Variants in NRXN1 observed in about 807,000 individuals in gnomAD.
NRXN1 encodes neurexin-1.
A neutral mutation model predicts 150.9 loss-of-function variants in NRXN1; 39 were observed. The observed-to-expected ratio is 0.26, with a 90% CI of 0.20 to 0.34. The LOEUF (loss-of-function observed/expected upper bound fraction) is 0.34, where lower values mean the gene tolerates loss of function less well. Ranked by LOEUF, NRXN1 falls within the 10% of genes least tolerant of loss-of-function variation. The pLI is 1.00. For synonymous variants in NRXN1, 924 were observed against 757.0 expected (o/e 1.22, Z -3.62); for missense variants, 1,815 against 1,949.9 (o/e 0.93, Z 1.30).
intron 17 of NRXN1, among the ~76,000 whole-genome samples, chr2:50,459,927 C>T (rs927338959): frequency 6.6e-6 from 1 of 152,040 alleles, no homozygotes; most frequent in East Asian, 1.9e-4. Context: ...GATTCTGCAC[C>T]TGTTGTGTTG....
chr2:50,012,133 G>A (rs1261458743), intron 21 of NRXN1, among the ~76,000 whole-genome samples: 1 of 152,024 alleles, frequency 6.6e-6, no homozygotes, highest in Non-Finnish European at 1.5e-5. Context: ...AATGGTTCAT[G>A]GACAACCTAG....
chr2:50,034,812 T>G (rs903462145), intron 21 of NRXN1, among the ~76,000 whole-genome samples: 1 of 152,128 alleles, frequency 6.6e-6, no homozygotes, highest in Non-Finnish European at 1.5e-5. Context: ...TTTCTAAAAA[T>G]GTATTTTCTA....
intron 10 of NRXN1, among the ~76,000 whole-genome samples, chr2:50,532,382 T>G: frequency 6.6e-6 from 1 of 150,612 alleles, no homozygotes. Flanking sequence ...ATAGCTTAAC[T>G]ATAGGAACTA....
chr2:50,677,893 C>A (rs1378156082), intron 5 of NRXN1, among the ~76,000 whole-genome samples: 1 of 152,016 alleles, frequency 6.6e-6, no homozygotes, highest in Admixed American at 6.6e-5. Flanking sequence ...AAATCACCAC[C>A]TACTTTTAAA....
intron 5 of NRXN1, among the ~76,000 whole-genome samples, chr2:50,912,465 G>A (rs1159705942): frequency 6.6e-6 from 1 of 151,958 alleles, no homozygotes; most frequent in African/African-American, 2.4e-5. Context: ...AATAAATCAA[G>A]ATGATAGTAT....
At chr2:50,872,763 G>T (rs1473596531) in intron 5 of NRXN1, among the ~76,000 whole-genome samples, 1 of 151,326 alleles carries the variant, frequency 6.6e-6, no homozygotes, top group Non-Finnish European at 1.5e-5. Flanking sequence ...GAGCACTCTG[G>T]GCAACAAAAC....
chr2:50,471,688 C>T (rs2089480627), intron 16 of NRXN1, among the ~76,000 whole-genome samples: 1 of 151,720 alleles, frequency 6.6e-6, no homozygotes, highest in South Asian at 2.1e-4. Context: ...GAAGAGAACA[C>T]ATGAACACAT....
At chr2:49,942,523 CA>C (rs1672162927) in intron 22 of NRXN1, among the ~76,000 whole-genome samples, 1 of 152,046 alleles carries the variant, frequency 6.6e-6, no homozygotes, top group Non-Finnish European at 1.5e-5. Context: ...TAGGTGATGT[CA>C]ATAGACACCA....
intron 17 of NRXN1, among the ~76,000 whole-genome samples, chr2:50,285,285 T>C (rs1354772447): frequency 6.6e-6 from 1 of 152,212 alleles, no homozygotes; most frequent in African/African-American, 2.4e-5. Flanking sequence ...TATTTATTCA[T>C]TCATTCATTT....
intron 8 of NRXN1, among the ~76,000 whole-genome samples, chr2:50,561,166 GACA>G (rs1345006285): frequency 1.3e-5 from 2 of 152,192 alleles, no homozygotes; most frequent in Non-Finnish European, 2.9e-5. Context: ...AAGTTACTGA[GACA>G]ACATTAGGTG....
intron 2 of NRXN1, among the ~76,000 whole-genome samples, chr2:51,010,711 C>G (rs1161268073): frequency 6.6e-6 from 1 of 151,966 alleles, no homozygotes; most frequent in East Asian, 1.9e-4. Flanking sequence ...ATAATACACA[C>G]TCCATCCAAA....
chr2:50,168,250 T>G (rs2059807229), intron 18 of NRXN1, among the ~76,000 whole-genome samples: 1 of 152,320 alleles, frequency 6.6e-6, no homozygotes, highest in South Asian at 2.1e-4. Flanking sequence ...GGAAAATTAA[T>G]AGTTTTAACC....
chr2:50,090,913 G>T (rs908273788), intron 19 of NRXN1, among the ~76,000 whole-genome samples: 1 of 151,690 alleles, frequency 6.6e-6, no homozygotes, highest in African/African-American at 2.4e-5. Flanking sequence ...CTGAGGAAGC[G>T]TTAGGTCTTA....
At chr2:50,401,094 C>A (rs2082360713) in intron 17 of NRXN1, among the ~76,000 whole-genome samples, 1 of 152,050 alleles carries the variant, frequency 6.6e-6, no homozygotes, top group Non-Finnish European at 1.5e-5. Context: ...AATTTTCTTC[C>A]ATGATTTTCT....
At chr2:50,525,891 A>C (rs1287786480) in intron 12 of NRXN1, among the ~76,000 whole-genome samples, 3 of 152,210 alleles carry the variant, frequency 2.0e-5, no homozygotes, top group African/African-American at 4.8e-5. Flanking sequence ...AGGAAATTTT[A>C]ACAAAGGGCT....
intron 17 of NRXN1, among the ~76,000 whole-genome samples, chr2:50,378,640 G>A (rs1402125): frequency 0.25 from 37,619 of 152,056 alleles, 4,935 homozygotes; most frequent in East Asian, 0.43. Context: ...GGGGCTTTTT[G>A]TAATCATTTA....
At chr2:50,271,512 G>A (rs923208625) in intron 17 of NRXN1, among the ~76,000 whole-genome samples, 19 of 152,124 alleles carry the variant, frequency 1.2e-4, no homozygotes, top group Non-Finnish European at 8.8e-5. Flanking sequence ...CAGTCTTACT[G>A]AAAATGGTGC....
At chr2:50,416,078 A>T (rs967884421) in intron 17 of NRXN1, among the ~76,000 whole-genome samples, 3 of 152,076 alleles carry the variant, frequency 2.0e-5, no homozygotes, top group African/African-American at 7.2e-5. Flanking sequence ...TGAGCAATAC[A>T]GTCAACAGTT....
intron 12 of NRXN1, among the ~76,000 whole-genome samples, chr2:50,522,931 A>G: frequency 6.6e-6 from 1 of 150,552 alleles, no homozygotes; most frequent in Non-Finnish European, 1.5e-5. Context: ...ACGGGGTTTC[A>G]CCATGCTGGT....
Sources: gnomAD v4.1 joint callset for allele counts (sites outside exome capture counted in the v4.1 genomes callset) on GRCh38, gnomAD v4.1.1 for gene constraint, MANE v1.5 for transcripts, NCBI Gene and HGNC (gene_info 2026-07-23, HGNC 2026-07-21) for gene names.